The following SIAH3 variants were observed in gnomAD, a reference collection of about 807,000 sequenced individuals.
The protein encoded by SIAH3 is siah E3 ubiquitin protein ligase family member 3.
In SIAH3, 9 loss-of-function variants were observed where a neutral mutation model predicts 12.6. That is an observed-to-expected ratio of 0.72 (90% CI 0.43 to 1.25). The LOEUF (loss-of-function observed/expected upper bound fraction) is 1.25. Among genes scored for constraint, SIAH3 ranks in the 50% most tolerant of loss-of-function variants. The pLI is 0.00. For synonymous variants in SIAH3, 154 were observed against 151.1 expected (o/e 1.02, Z -0.14); for missense variants, 390 against 365.4 (o/e 1.07, Z -0.55).
chr13:45,824,978 T>C (rs1195284117), intron 1 of SIAH3, among the ~76,000 whole-genome samples: 1 of 151,124 alleles, frequency 6.6e-6, no homozygotes, highest in Non-Finnish European at 1.5e-5. Flanking sequence ...CCAAGGCGTG[T>C]GCTAATGTGT....
intron 1 of SIAH3, among the ~76,000 whole-genome samples, chr13:45,807,651 T>C (rs1339213096): frequency 6.6e-6 from 1 of 152,132 alleles, no homozygotes; most frequent in African/African-American, 2.4e-5. Flanking sequence ...AGACTCAGTG[T>C]AAAAAAGTCA....
intron 1 of SIAH3, among the ~76,000 whole-genome samples, chr13:45,829,278 C>T (rs770856523): frequency 3.3e-5 from 5 of 152,082 alleles, no homozygotes; most frequent in African/African-American, 1.2e-4. Flanking sequence ...TTTTAACCTA[C>T]GCATGACCCA....
chr13:45,784,089 G>C (rs1343261918), intron 1 of SIAH3, 32 bp from the exon 2 acceptor site: 4 of 1,534,144 alleles, frequency 2.6e-6, no homozygotes, highest in African/African-American at 2.8e-5. Flanking sequence ...TCAGTGCGGG[G>C]ATGAGGCCCA....
At chr13:45,815,892 C>T (rs1950632859) in intron 1 of SIAH3, among the ~76,000 whole-genome samples, 1 of 152,212 alleles carries the variant, frequency 6.6e-6, no homozygotes, top group Admixed American at 6.5e-5. Flanking sequence ...CAGTACAGGG[C>T]ATCCCCACAA....
chr13:45,801,071 G>A, intron 1 of SIAH3, among the ~76,000 whole-genome samples: 1 of 115,236 alleles, frequency 8.7e-6, no homozygotes, highest in African/African-American at 3.3e-5. Context: ...GAATATGCTG[G>A]ACACTGGGTG....
chr13:45,848,569 C>T (rs1325335668), intron 1 of SIAH3, among the ~76,000 whole-genome samples: 1 of 152,214 alleles, frequency 6.6e-6, no homozygotes, highest in African/African-American at 2.4e-5. Flanking sequence ...CCTATAGAAG[C>T]ATGGTAAATA....
rs1002145922 is a variant in SIAH3, at chr13:45,779,348, TA to T, written c.*4034del. 1.3e-5 allele frequency: 2 copies of T among 152,134 alleles called. No individual in the cohort carries two copies. The highest frequency in any genetic ancestry group is 2.9e-5 in the Non-Finnish European group (2 of 68,030). 9.4% of individuals were successfully genotyped at this position (152,134 alleles called of 1,614,324 possible). A position where few individuals can be genotyped will look rare whatever the true frequency, so the allele number is the denominator to read the frequency against. On this transcript the variant is annotated 3_prime_UTR_variant, in exon 2 of 2. Transcript: ENST00000400405. The stretch of plus-strand genomic sequence containing the variant: ...TCAGCTTGCAAAATTCCTGAAAGAT[TA>T]ACAACCAGAATACAAGCAGCTCTAG...
At chr13:45,796,468 GAT>G (rs1356983926) in intron 1 of SIAH3, among the ~76,000 whole-genome samples, 1 of 152,182 alleles carries the variant, frequency 6.6e-6, no homozygotes, top group Non-Finnish European at 1.5e-5. Flanking sequence ...GGAGGATGGG[GAT>G]GAGAGTCAGA....
At chr13:45,848,317 T>C (rs1950767701) in intron 1 of SIAH3, among the ~76,000 whole-genome samples, 1 of 152,108 alleles carries the variant, frequency 6.6e-6, no homozygotes, top group South Asian at 2.1e-4. Context: ...CTGAGGGAAA[T>C]GGTCTTGTTT....
At chr13:45,850,206 C>G (rs1444523702) in intron 1 of SIAH3, among the ~76,000 whole-genome samples, 2 of 152,208 alleles carry the variant, frequency 1.3e-5, no homozygotes, top group Non-Finnish European at 2.9e-5. Context: ...GCCCCTCCCC[C>G]AGGACTGGCC....
intron 1 of SIAH3, among the ~76,000 whole-genome samples, chr13:45,815,908 A>G (rs1000501366): frequency 1.3e-5 from 2 of 152,238 alleles, no homozygotes; most frequent in African/African-American, 2.4e-5. Flanking sequence ...CACAACAAAA[A>G]TCACAGCAAA....
In SIAH3 at chr13:45,802,933, G is replaced by A. The variant is rs546390659; in HGVS notation, c.136-18876C>T. 5.9e-5 allele frequency among the ~76,000 whole-genome samples: 9 copies of A among 152,250 alleles called. No homozygotes were observed. In the South Asian group the frequency reaches 6.2e-4, roughly 11 times the overall value. Reference sequence around the variant, plus strand: ...CTAAAAATACAAAAATTAGCTGGGCGTGGTGGCGGCCGCCTATAATCCCAG... The same window carrying A: ...CTAAAAATACAAAAATTAGCTGGGCATGGTGGCGGCCGCCTATAATCCCAG... On this transcript the variant is annotated intron_variant, in intron 1 of 1. Coordinates refer to ENST00000400405, the MANE Select transcript of SIAH3 (RefSeq NM_198849.3).
At chr13:45,793,334 TGAG>T (rs1450733249) in intron 1 of SIAH3, among the ~76,000 whole-genome samples, 1 of 152,248 alleles carries the variant, frequency 6.6e-6, no homozygotes, top group Admixed American at 6.5e-5. Flanking sequence ...CTTGTTTCTC[TGAG>T]TTCTTCAAAA....
intron 1 of SIAH3, among the ~76,000 whole-genome samples, chr13:45,798,867 A>G (rs1201289405): frequency 1.3e-5 from 2 of 152,242 alleles, no homozygotes; most frequent in Non-Finnish European, 2.9e-5. Flanking sequence ...ATCTTCTTCC[A>G]TGATTCTAAT....
chr13:45,847,013 T>C (rs4942451), intron 1 of SIAH3, among the ~76,000 whole-genome samples: 74,393 of 152,042 alleles, frequency 0.49, 18,969 homozygotes, highest in South Asian at 0.59. Flanking sequence ...TTTAGAATAA[T>C]GCTCGCACAG....
intron 1 of SIAH3, among the ~76,000 whole-genome samples, chr13:45,825,466 C>T (rs1041381763): frequency 1.1e-4 from 16 of 152,200 alleles, no homozygotes; most frequent in Admixed American, 1.0e-3. Context: ...TCCCCCAAGC[C>T]AGGAGCGCAG....
intron 1 of SIAH3, among the ~76,000 whole-genome samples, chr13:45,814,750 G>C (rs1950628284): frequency 7.2e-6 from 1 of 138,206 alleles, no homozygotes; most frequent in Admixed American, 6.8e-5. Context: ...TTTTGAGACA[G>C]AGGCTCCCTC....
chr13:45,799,564 G>A (rs996668252), intron 1 of SIAH3, among the ~76,000 whole-genome samples: 4 of 152,138 alleles, frequency 2.6e-5, no homozygotes, highest in South Asian at 2.1e-4. Flanking sequence ...ATTATCACAA[G>A]TAGTTTGTAC....
At chr13:45,841,208 G>A (rs1031083942) in intron 1 of SIAH3, among the ~76,000 whole-genome samples, 3 of 152,176 alleles carry the variant, frequency 2.0e-5, no homozygotes, top group Admixed American at 6.5e-5. Context: ...TGGCAGAGTC[G>A]TAGCTGTTAG....
Sources: allele counts gnomAD v4.1 joint callset (sites outside exome capture counted in the v4.1 genomes callset), GRCh38; gene constraint gnomAD v4.1.1; transcripts MANE v1.5; gene names NCBI Gene and HGNC (gene_info 2026-07-23, HGNC 2026-07-21).